Variants in INPP4B observed in about 807,000 individuals in gnomAD.
INPP4B encodes the protein inositol polyphosphate-4-phosphatase type II B, also known as inositol polyphosphate 4-phosphatase type II.
A neutral mutation model predicts 122.5 loss-of-function variants in INPP4B; 55 were observed. The observed-to-expected ratio is 0.45, with a 90% CI of 0.36 to 0.56. The LOEUF (loss-of-function observed/expected upper bound fraction) is 0.56. Ranked by LOEUF, INPP4B falls within the 20% of genes least tolerant of loss-of-function variation. The probability of loss-of-function intolerance (pLI) is 0.00; values close to 1 mark genes in which losing one functional copy is unlikely to be tolerated. For synonymous variants in INPP4B, 403 were observed against 388.7 expected (o/e 1.04, Z -0.43); for missense variants, 1,000 against 1,097.7 (o/e 0.91, Z 1.26).
chr4:142,038,854 A>C (rs965231101), intron 25 of INPP4B, among the ~76,000 whole-genome samples: 1 of 152,186 alleles, frequency 6.6e-6, no homozygotes, highest in African/African-American at 2.4e-5. Context: ...ACGTCTTTTT[A>C]GATATTTTTT....
chr4:142,206,143 A>C (rs777016915), intron 14 of INPP4B, among the ~76,000 whole-genome samples: 6 of 152,164 alleles, frequency 3.9e-5, no homozygotes, highest in Non-Finnish European at 8.8e-5. Flanking sequence ...CAAAAGAGCT[A>C]AAGAGGGTAA....
At chr4:142,242,684 A>G (rs1295681025) in intron 11 of INPP4B, among the ~76,000 whole-genome samples, 3 of 152,124 alleles carry the variant, frequency 2.0e-5, no homozygotes, top group African/African-American at 7.2e-5. Flanking sequence ...TTTCCTAACC[A>G]CATGTAATCA....
chr4:142,045,585 G>A (rs533286788), intron 25 of INPP4B, among the ~76,000 whole-genome samples: 4 of 152,120 alleles, frequency 2.6e-5, no homozygotes, highest in South Asian at 4.2e-4. Context: ...GTAAGTTACA[G>A]AGACTTGGCT....
chr4:142,633,538 C>A (rs1302017918), intron 2 of INPP4B, among the ~76,000 whole-genome samples: 1 of 152,228 alleles, frequency 6.6e-6, no homozygotes, highest in East Asian at 1.9e-4. Context: ...AGTATGTGTA[C>A]ACAGTGCAGT....
chr4:142,709,216 T>G (rs569095657), intron 2 of INPP4B, among the ~76,000 whole-genome samples: 2 of 152,332 alleles, frequency 1.3e-5, no homozygotes, highest in East Asian at 1.9e-4. Context: ...AGTAACTAAC[T>G]TGTTTTTAAT....
chr4:142,702,795 T>G (rs910345674), intron 2 of INPP4B, among the ~76,000 whole-genome samples: 3 of 152,018 alleles, frequency 2.0e-5, no homozygotes, highest in East Asian at 3.9e-4. Flanking sequence ...TATAACATTT[T>G]TAAATAAAGA....
intron 1 of INPP4B, among the ~76,000 whole-genome samples, chr4:142,750,077 A>C (rs924493584): frequency 6.6e-6 from 1 of 152,104 alleles, no homozygotes; most frequent in African/African-American, 2.4e-5. Flanking sequence ...AAATGAGACA[A>C]TAACTTGACT....
In INPP4B at chr4:142,651,595, C is replaced by A. The variant is rs183963863; in HGVS notation, c.-191+74244G>T. On this transcript the variant is annotated intron_variant, in intron 2 of 25. Coordinates refer to ENST00000262992, the MANE Select transcript of INPP4B (RefSeq NM_001101669.3). ...CCATCAGAGAATACTGTAAACATTT[C>A]TACGCAAATAAACTAGAAAATCTAG... Among the ~76,000 whole-genome samples, 3 of 152,268 alleles carry A rather than the reference C, an allele frequency of 2.0e-5. No individual in the cohort carries two copies. In the East Asian group the frequency reaches 5.8e-4, roughly 29 times the overall value.
intron 2 of INPP4B, among the ~76,000 whole-genome samples, chr4:142,671,185 A>G (rs1041788267): frequency 6.6e-6 from 1 of 152,174 alleles, no homozygotes; most frequent in African/African-American, 2.4e-5. Flanking sequence ...GAGGATCATT[A>G]TAACCACCTT....
intron 25 of INPP4B, among the ~76,000 whole-genome samples, chr4:142,072,267 G>A (rs10018953): frequency 0.025 from 3,758 of 151,870 alleles, 172 homozygotes; most frequent in African/African-American, 0.087. Flanking sequence ...GTTCTCACTC[G>A]TAGGTGAGAA....
At chr4:142,679,567 A>C (rs1214402401) in intron 2 of INPP4B, among the ~76,000 whole-genome samples, 1 of 151,806 alleles carries the variant, frequency 6.6e-6, no homozygotes, top group East Asian at 1.9e-4. Flanking sequence ...TTGTGTAGTA[A>C]GGTTGAGAAG....
chr4:142,517,430 T>C (rs1433938903), intron 2 of INPP4B, among the ~76,000 whole-genome samples: 1 of 152,104 alleles, frequency 6.6e-6, no homozygotes, highest in African/African-American at 2.4e-5. Context: ...ATATCTAATG[T>C]TACGCAGCTG....
At chr4:142,357,199 C>T (rs923660600) in intron 7 of INPP4B, among the ~76,000 whole-genome samples, 10 of 152,078 alleles carry the variant, frequency 6.6e-5, no homozygotes, top group East Asian at 1.9e-4. Context: ...AAGGGGATGG[C>T]GGGAATCTCT....
chr4:142,381,909 C>T (rs922260412), intron 7 of INPP4B, among the ~76,000 whole-genome samples: 1 of 151,686 alleles, frequency 6.6e-6, no homozygotes, highest in Non-Finnish European at 1.5e-5. Context: ...TTGTCTATTA[C>T]AATTAAAAAA....
chr4:142,344,210 G>C (rs1435285349), intron 7 of INPP4B, among the ~76,000 whole-genome samples: 1 of 152,068 alleles, frequency 6.6e-6, no homozygotes, highest in African/African-American at 2.4e-5. Flanking sequence ...AGATATCTTT[G>C]CACATGGAAG....
intron 2 of INPP4B, among the ~76,000 whole-genome samples, chr4:142,723,230 A>G (rs575237097): frequency 1.8e-4 from 27 of 152,228 alleles, no homozygotes; most frequent in African/African-American, 6.5e-4. Flanking sequence ...ATGCTATTTC[A>G]ATTTCCTCCA....
intron 2 of INPP4B, among the ~76,000 whole-genome samples, chr4:142,611,630 C>CTTTTTT (rs1560863610): frequency 4.4e-5 from 4 of 90,706 alleles, no homozygotes; most frequent in African/African-American, 1.6e-4. Flanking sequence ...TCTGTTTTTT[C>CTTTTTT]TTTTTTCTTT....
At chr4:142,477,311 A>C (rs966191966) in intron 2 of INPP4B, among the ~76,000 whole-genome samples, 5 of 152,148 alleles carry the variant, frequency 3.3e-5, no homozygotes, top group Non-Finnish European at 5.9e-5. Context: ...TTAAGAGGGA[A>C]TTTGATAGTG....
In INPP4B at chr4:142,442,147, G is replaced by A. The variant is rs898651751; in HGVS notation, c.-126-10762C>T. On this transcript the variant is annotated intron_variant, in intron 3 of 25. Transcript: ENST00000262992. Reference sequence around the variant, plus strand: ...ACATGGGCCAGGCACGGTGGCTCACGCCTACCTGTAATCCCAGCACTTTGG... The same window carrying A: ...ACATGGGCCAGGCACGGTGGCTCACACCTACCTGTAATCCCAGCACTTTGG... Among the ~76,000 whole-genome samples the A allele has an allele frequency of 5.3e-5, 8 of 151,876 alleles. 1 individual carries two copies. Among genetic ancestry groups the A allele is most frequent in the South Asian group, 4.2e-4 (2 of 4,814 alleles).
Sources: allele counts gnomAD v4.1 joint callset (sites outside exome capture counted in the v4.1 genomes callset), GRCh38; gene constraint gnomAD v4.1.1; transcripts MANE v1.5; gene names NCBI Gene and HGNC (gene_info 2026-07-23, HGNC 2026-07-21).